Variants in EHD4 observed in about 807,000 individuals in gnomAD.
EHD4 encodes the protein EH domain-containing protein 4.
A neutral mutation model predicts 51.0 loss-of-function variants in EHD4; 37 were observed. The observed-to-expected ratio is 0.73, with a 90% CI of 0.56 to 0.95. EHD4 has a LOEUF of 0.95. EHD4 is among the 40% of genes least tolerant of loss of function. EHD4 has a pLI of 0.00. For missense variants in EHD4, 632 were observed against 733.1 expected (o/e 0.86, Z 1.59); for synonymous variants, 297 against 317.3 (o/e 0.94, Z 0.68).
chr15:41,938,287 T>G (rs2067744809), intron 3 of EHD4, among the ~76,000 whole-genome samples: 1 of 152,236 alleles, frequency 6.6e-6, no homozygotes, highest in South Asian at 2.1e-4. Flanking sequence ...AGGCGCCTTT[T>G]TGATTCTTGA....
At chr15:41,957,828 G>A (rs1385225804) in intron 1 of EHD4, among the ~76,000 whole-genome samples, 2 of 152,176 alleles carry the variant, frequency 1.3e-5, no homozygotes, top group African/African-American at 2.4e-5. Flanking sequence ...TGGGTAAACA[G>A]GTACATGTCA....
chr15:41,919,141 T>C, intron 4 of EHD4, 69 bp downstream of exon 4: 1 of 1,589,668 alleles, frequency 6.3e-7, no homozygotes, highest in South Asian at 1.1e-5. Flanking sequence ...CTCCCACCCA[T>C]CTTGCCTCTG....
chr15:41,933,533 G>A (rs1372079959), intron 3 of EHD4, among the ~76,000 whole-genome samples: 1 of 152,164 alleles, frequency 6.6e-6, no homozygotes, highest in Non-Finnish European at 1.5e-5. Flanking sequence ...GCCAGGGACA[G>A]GGAGAAACGT....
At chr15:41,942,030 G>C (rs2067775122) in intron 3 of EHD4, 1 of 152,282 alleles carries the variant, frequency 6.6e-6, no homozygotes, top group Non-Finnish European at 1.5e-5. Context: ...TGGCAGCGAT[G>C]CATCTGCTCC....
chr15:41,921,166 C>A (rs953673244), intron 3 of EHD4, among the ~76,000 whole-genome samples: 2 of 152,152 alleles, frequency 1.3e-5, no homozygotes, highest in Admixed American at 6.5e-5. Context: ...CCCTTCCCCC[C>A]ACTAGCAGGC....
Position 41,901,045 on chromosome 15 carries a change from G to C in EHD4, c.1226C>G (p.Thr409Arg), listed in dbSNP as rs777607102. 61 of 1,612,434 alleles carry C rather than the reference G, an allele frequency of 3.8e-5. No homozygotes were observed. Among genetic ancestry groups the C allele is most frequent in the Non-Finnish European group, 4.9e-5 (58 of 1,179,174 alleles). Residue 409 changes from threonine (T) to arginine (R), a missense_variant, in exon 6 of 6, where the codon ACG becomes AGG. Physicochemically the swap from Thr to Arg is moderately conservative, Grantham distance 71 (BLOSUM62 -1). Coordinates refer to ENST00000220325, the MANE Select transcript of EHD4 (RefSeq NM_139265.4). The stretch of plus-strand genomic sequence containing the variant: ...GAAGGCGCCGCCCTGCACCAGCTGC[G>C]TGGGCGTGCTCGTCTCCTCCTGGCT... ...LISQEETSTP[T>R]QLVQGGAFDG...
intron 5 of EHD4, among the ~76,000 whole-genome samples, chr15:41,904,601 G>C (rs1371616887): frequency 6.6e-6 from 1 of 152,202 alleles, no homozygotes; most frequent in Admixed American, 6.5e-5. Context: ...TCCCAGCCCC[G>C]TCTCTGGTGG....
chr15:41,961,318 T>A (rs2067923070), intron 1 of EHD4, among the ~76,000 whole-genome samples: 1 of 152,246 alleles, frequency 6.6e-6, no homozygotes, highest in Admixed American at 6.5e-5. Flanking sequence ...GGAGGGGAAT[T>A]TCACTAGAAT....
intron 1 of EHD4, among the ~76,000 whole-genome samples, chr15:41,961,480 C>T (rs1271383764): frequency 2.6e-5 from 4 of 152,134 alleles, no homozygotes; most frequent in Admixed American, 1.3e-4. Context: ...TACTGTAAAT[C>T]GTCATGAGGA....
At chr15:41,964,451 A>C (rs1384776132) in intron 1 of EHD4, among the ~76,000 whole-genome samples, 1 of 151,544 alleles carries the variant, frequency 6.6e-6, no homozygotes, top group Non-Finnish European at 1.5e-5. Flanking sequence ...AAAAATGAAT[A>C]AATTGGCTGG....
intron 3 of EHD4, chr15:41,942,186 G>T (rs146340244): frequency 6.6e-6 from 1 of 151,992 alleles, no homozygotes; most frequent in Non-Finnish European, 1.5e-5. Context: ...CTGTCCTCTG[G>T]TCTGCCCCTG....
At chr15:41,928,229 C>A (rs1271645747) in intron 3 of EHD4, 2 of 152,198 alleles carry the variant, frequency 1.3e-5, no homozygotes, top group East Asian at 3.8e-4. Flanking sequence ...ACAACTGCAG[C>A]AAATATTTAC....
intron 1 of EHD4, among the ~76,000 whole-genome samples, chr15:41,956,053 C>T (rs914205456): frequency 1.3e-5 from 2 of 152,170 alleles, no homozygotes; most frequent in African/African-American, 2.4e-5. Context: ...CCCAGCTCCC[C>T]GCAGCACACA....
intron 4 of EHD4, among the ~76,000 whole-genome samples, chr15:41,914,926 C>T (rs113840044): frequency 0.067 from 10,219 of 152,054 alleles, 403 homozygotes; most frequent in South Asian, 0.094. Flanking sequence ...GCCAGGATTA[C>T]AGGCGCCCAC....
rs1263846865 is a variant in EHD4, at chr15:41,972,240, C to T, written c.236+19G>A. ...AGGGCGGAGCGGGGCGGGAGCCGGG[C>T]GAGGGGCGGTGACGGTACCTGATGA... On this transcript the variant is annotated intron_variant, in intron 1 of 5. Coordinates refer to ENST00000220325, the MANE Select transcript of EHD4 (RefSeq NM_139265.4). The T allele has an allele frequency of 6.5e-7, 1 of 1,526,720 alleles. No homozygotes were observed. The allele number at this position is 1,526,720 out of a possible 1,614,324, so 94.6% of individuals were successfully genotyped here. A position where few individuals can be genotyped will look rare whatever the true frequency, so the allele number is the denominator to read the frequency against.
At chr15:41,945,259 A>C (rs1387232914) in intron 2 of EHD4, among the ~76,000 whole-genome samples, 1 of 152,138 alleles carries the variant, frequency 6.6e-6, no homozygotes, top group Non-Finnish European at 1.5e-5. Flanking sequence ...ATTTTTCCAA[A>C]ACAGCCACCC....
At chr15:41,963,657 G>A (rs2067942346) in intron 1 of EHD4, among the ~76,000 whole-genome samples, 1 of 149,974 alleles carries the variant, frequency 6.7e-6, no homozygotes, top group Non-Finnish European at 1.5e-5. Context: ...GATAAACAAG[G>A]ATTTTCTAAC....
intron 3 of EHD4, among the ~76,000 whole-genome samples, chr15:41,937,223 C>T (rs1472536797): frequency 6.6e-6 from 1 of 152,242 alleles, no homozygotes; most frequent in Non-Finnish European, 1.5e-5. Flanking sequence ...CATGCGCCCA[C>T]CTGCCATGGA....
At chr15:41,953,010 A>AAAC (rs1364417257) in intron 2 of EHD4, among the ~76,000 whole-genome samples, 29 of 151,516 alleles carry the variant, frequency 1.9e-4, no homozygotes, top group Admixed American at 1.6e-3. Flanking sequence ...AAAAAAAAAA[A>AAAC]AAAAAAAAAA....
Sources: allele counts gnomAD v4.1 joint callset (sites outside exome capture counted in the v4.1 genomes callset), GRCh38; gene constraint gnomAD v4.1.1; transcripts MANE v1.5; gene names NCBI Gene and HGNC (gene_info 2026-07-23, HGNC 2026-07-21).